FRMPD4: variants seen among roughly 807,000 people sequenced by gnomAD.
FRMPD4 encodes the protein FERM and PDZ domain containing 4, also known as FERM and PDZ domain-containing protein 4.
In FRMPD4, 22 loss-of-function variants were observed where a neutral mutation model predicts 94.1. That is an observed-to-expected ratio of 0.23 (90% confidence interval 0.17 to 0.33). The LOEUF is 0.33. Ranked by LOEUF, FRMPD4 falls within the 10% of genes least tolerant of loss-of-function variation. FRMPD4 has a pLI of 1.00. For synonymous variants in FRMPD4, 631 were observed against 548.6 expected (o/e 1.15, Z -2.10); for missense variants, 1,111 against 1,339.9 (o/e 0.83, Z 2.67).
chrX:12,542,102 A>G (rs1284112022), intron 2 of FRMPD4, among the ~76,000 whole-genome samples: 5 of 111,311 alleles, frequency 4.5e-5, no homozygotes, highest in South Asian at 7.6e-4. Flanking sequence ...AATAATAAGA[A>G]CTATTTATGA....
At chrX:12,531,099 C>A (rs778702535) in intron 2 of FRMPD4, among the ~76,000 whole-genome samples, 15 of 112,050 alleles carry the variant, frequency 1.3e-4, no homozygotes, top group Non-Finnish European at 2.1e-4. Flanking sequence ...TATGGTAATC[C>A]AGTGGCTTTG....
chrX:11,965,882 T>G (rs934868370), intron 3 of FRMPD4, among the ~76,000 whole-genome samples: 4 of 112,210 alleles, frequency 3.6e-5, no homozygotes, highest in African/African-American at 1.3e-4. Context: ...CACAGTCTCG[T>G]GAGGCAAGAA....
In FRMPD4 at chrX:12,634,214, C is replaced by T. The variant is rs150017977; in HGVS notation, c.422+19333C>T. On this transcript the variant is annotated intron_variant, in intron 4 of 16. Transcript: ENST00000675598. ...GTAAGAAATTATCACCGTTAAACAT[C>T]CTTCTGTCTCTTTTAGCTCCTTGCT... Among the ~76,000 whole-genome samples the T allele has an allele frequency of 4.4e-3, 498 of 112,232 alleles. 2 individuals carry two copies. The highest frequency in any genetic ancestry group is 0.015 in the African/African-American group (471 of 30,935).
chrX:11,919,779 T>C (rs1385853033), intron 3 of FRMPD4, among the ~76,000 whole-genome samples: 1 of 111,831 alleles, frequency 8.9e-6, no homozygotes, highest in African/African-American at 3.3e-5. Context: ...CTTTACAAAA[T>C]TTCTCCCTTC....
At chrX:12,692,162 G>A (rs188776748) in intron 8 of FRMPD4, among the ~76,000 whole-genome samples, 1 of 112,411 alleles carries the variant, frequency 8.9e-6, no homozygotes, top group East Asian at 2.8e-4. Flanking sequence ...CTGATGCTAG[G>A]TAAACACAAC....
chrX:12,406,684 A>G (rs1276257552), intron 1 of FRMPD4, among the ~76,000 whole-genome samples: 2 of 112,195 alleles, frequency 1.8e-5, no homozygotes, highest in East Asian at 2.8e-4. Context: ...CTAACTCTGC[A>G]TTGTAGCACT....
chrX:12,233,328 A>G (rs1262214034), intron 1 of FRMPD4, among the ~76,000 whole-genome samples: 4 of 112,053 alleles, frequency 3.6e-5, no homozygotes, highest in Non-Finnish European at 5.6e-5. Flanking sequence ...TAGTATAAGT[A>G]TGTCCCATGC....
intron 4 of FRMPD4, among the ~76,000 whole-genome samples, chrX:12,662,660 A>G (rs1418519847): frequency 1.8e-5 from 2 of 112,454 alleles, no homozygotes; most frequent in African/African-American, 6.5e-5. Flanking sequence ...CGCAATAAAC[A>G]TATGTGTGGA....
At chrX:12,559,299 T>A (rs1194949751) in intron 2 of FRMPD4, among the ~76,000 whole-genome samples, 1 of 111,134 alleles carries the variant, frequency 9.0e-6, no homozygotes, top group Non-Finnish European at 1.9e-5. Flanking sequence ...TGTGGGGAAG[T>A]GACAAAAGAT....
intron 4 of FRMPD4, among the ~76,000 whole-genome samples, chrX:12,632,468 C>G (rs1407814816): frequency 1.8e-5 from 2 of 112,222 alleles, no homozygotes; most frequent in African/African-American, 6.5e-5. Flanking sequence ...CAGAGATGAT[C>G]ATTATAAAAG....
At chrX:12,262,048 T>C (rs1279324218) in intron 1 of FRMPD4, among the ~76,000 whole-genome samples, 1 of 111,332 alleles carries the variant, frequency 9.0e-6, no homozygotes, top group Non-Finnish European at 1.9e-5. Context: ...TCCAGAAGCA[T>C]CTTAATGTAG....
chrX:12,046,160 T>C (rs2054783890), intron 3 of FRMPD4, among the ~76,000 whole-genome samples: 1 of 111,357 alleles, frequency 9.0e-6, no homozygotes, highest in African/African-American at 3.3e-5. Flanking sequence ...TACACTATTC[T>C]TGGTAAATGT....
At chrX:12,585,589 C>A (rs1366595155) in intron 2 of FRMPD4, among the ~76,000 whole-genome samples, 1 of 112,005 alleles carries the variant, frequency 8.9e-6, no homozygotes, top group East Asian at 2.8e-4. Flanking sequence ...GTCACCCAGA[C>A]TCTTATGAAA....
At chrX:12,672,189 T>C (rs1232723824) in intron 4 of FRMPD4, among the ~76,000 whole-genome samples, 1 of 112,324 alleles carries the variant, frequency 8.9e-6, no homozygotes, top group East Asian at 2.8e-4. Context: ...TACTTTCTTC[T>C]GTCCGTGGAA....
At position 12,686,187 on chromosome X, in the gene FRMPD4, T is replaced by C. The variant is rs756290310; in HGVS notation, c.664T>C (p.Cys222Arg). The change falls in exon 7 of 17, where the codon TGC (cysteine) becomes CGC (arginine). Residue 222 changes from cysteine to arginine, a missense_variant. Around this residue, in one of 8 missense-constraint regions of FRMPD4, gnomAD observed 37 missense variants for 101.0 expected, o/e 0.37. Coordinates refer to ENST00000675598, the MANE Select transcript of FRMPD4 (RefSeq NM_001368397.1). ...NGQTKSFRFD[C>R]STSIKDVILT... ...GCAGACCAAATCATTTCGTTTTGAC[T>C]GCAGCACTTCCATTAAGGTAAGATG... is the stretch of plus-strand genomic sequence containing the variant. The C allele has an allele frequency of 3.6e-6, 4 of 1,122,412 alleles. No homozygotes were observed. In the Admixed American group the frequency reaches 8.8e-5, roughly 25 times the overall value. 92.5% of individuals were successfully genotyped at this position (1,122,412 alleles called of 1,213,427 possible).
At chrX:12,615,949 G>A (rs757410643) in intron 4 of FRMPD4, among the ~76,000 whole-genome samples, 37 of 111,183 alleles carry the variant, frequency 3.3e-4, no homozygotes, top group African/African-American at 1.2e-3. Flanking sequence ...TTCACAAAGA[G>A]GTTCTGGAGG....
At chrX:12,220,118 G>T (rs1181499071) in intron 1 of FRMPD4, among the ~76,000 whole-genome samples, 6 of 110,291 alleles carry the variant, frequency 5.4e-5, no homozygotes, top group Non-Finnish European at 9.5e-5. Context: ...TCCAGCCTGG[G>T]CAACAAGAGT....
intron 1 of FRMPD4, among the ~76,000 whole-genome samples, chrX:12,327,095 C>T (rs1055870220): frequency 1.8e-5 from 2 of 112,041 alleles, no homozygotes; most frequent in African/African-American, 6.5e-5. Context: ...GCTGCTGACA[C>T]ATCCTCTATC....
chrX:12,517,505 G>T (rs762393370), intron 2 of FRMPD4, among the ~76,000 whole-genome samples: 3 of 108,050 alleles, frequency 2.8e-5, no homozygotes, highest in East Asian at 2.9e-4. Context: ...GACCCTATTT[G>T]TCTGGGTCCC....
Sources: gnomAD v4.1 joint callset for allele counts (sites outside exome capture counted in the v4.1 genomes callset) on GRCh38, gnomAD v4.1.1 for gene constraint, gnomAD v4.1.1 regional missense constraint, MANE v1.5 for transcripts, NCBI Gene and HGNC (gene_info 2026-07-23, HGNC 2026-07-21) for gene names.